Variants in WDR33 observed in about 807,000 individuals in gnomAD.
WDR33 encodes pre-mRNA 3' end processing protein WDR33.
In WDR33, 47 loss-of-function variants were observed where a neutral mutation model predicts 164.9. That is an observed-to-expected ratio of 0.29 (90% confidence interval 0.23 to 0.36). WDR33 has a LOEUF of 0.36. Ranked by LOEUF, WDR33 falls within the 10% of genes least tolerant of loss-of-function variation. WDR33 has a pLI of 1.00. For synonymous variants in WDR33, 505 were observed against 589.0 expected (o/e 0.86, Z 2.06); for missense variants, 1,137 against 1,754.1 (o/e 0.65, Z 6.28).
intron 1 of WDR33, among the ~76,000 whole-genome samples, chr2:127,776,936 C>G (rs984777870): frequency 6.6e-6 from 1 of 152,156 alleles, no homozygotes. Context: ...GATTTGTACT[C>G]ACTGCAGTAT....
At chr2:127,775,653 G>T (rs541089634) in intron 1 of WDR33, among the ~76,000 whole-genome samples, 1 of 152,272 alleles carries the variant, frequency 6.6e-6, no homozygotes, top group Admixed American at 6.5e-5. Context: ...TGCAAAAAAA[G>T]TATTGTTACT....
intron 7 of WDR33, among the ~76,000 whole-genome samples, chr2:127,759,409 G>C (rs1687613473): frequency 6.6e-6 from 1 of 152,120 alleles, no homozygotes; most frequent in Non-Finnish European, 1.5e-5. Flanking sequence ...AGCAACTACA[G>C]GCCAGGCACG....
At chr2:127,750,713 T>C (rs1479270731) in intron 7 of WDR33, among the ~76,000 whole-genome samples, 4 of 51,600 alleles carry the variant, frequency 7.8e-5, no homozygotes, top group African/African-American at 1.2e-4. Context: ...TATATATATA[T>C]GTATGTATGC....
At position 127,709,857 on chromosome 2, in the gene WDR33, CTGTAA is replaced by C; in HGVS notation, c.3309-6_3309-2del. 1 of 1,613,494 alleles carries C rather than the reference CTGTAA, an allele frequency of 6.2e-7. No homozygotes were observed. The highest frequency in any genetic ancestry group is 8.5e-7 in the Non-Finnish European group (1 of 1,179,844). On this transcript the variant is annotated splice_acceptor_variant and splice_polypyrimidine_tract_variant and intron_variant, in intron 18 of 21. Coordinates refer to ENST00000322313, the MANE Select transcript of WDR33 (RefSeq NM_018383.5). LOFTEE classifies it high-confidence loss of function. The surrounding 1 kb of genome is among the most constrained non-coding windows in gnomAD (Gnocchi z 5.0). ...CCTCGGCGGGGCTCCTCTTCTGAAA[CTGTAA>C]AGAGAAAACAGCAGAATGTCCATCT...
chr2:127,730,896 ATTTT>A (rs747523240), intron 7 of WDR33, among the ~76,000 whole-genome samples: 6 of 151,130 alleles, frequency 4.0e-5, no homozygotes, highest in African/African-American at 1.2e-4. Context: ...TGAACTCTCG[ATTTT>A]TTTTGTTTGT....
At chr2:127,742,857 A>G (rs1001637848) in intron 7 of WDR33, among the ~76,000 whole-genome samples, 1 of 142,622 alleles carries the variant, frequency 7.0e-6, no homozygotes, top group Admixed American at 6.9e-5. Flanking sequence ...CTATACTCAC[A>G]GTTAAAAAAA....
At chr2:127,788,156 G>A (rs1318397106) in intron 1 of WDR33, among the ~76,000 whole-genome samples, 54 of 86,178 alleles carry the variant, frequency 6.3e-4, no homozygotes, top group Middle Eastern at 0.026. Flanking sequence ...GGGCAGAGGC[G>A]CCCCTCACCT....
At chr2:127,755,096 C>T (rs1016857343) in intron 7 of WDR33, among the ~76,000 whole-genome samples, 1 of 152,144 alleles carries the variant, frequency 6.6e-6, no homozygotes, top group African/African-American at 2.4e-5. Flanking sequence ...TCTAATTAAC[C>T]AATCTAACAA....
intron 1 of WDR33, among the ~76,000 whole-genome samples, chr2:127,779,909 T>C (rs1362784882): frequency 6.6e-6 from 1 of 152,178 alleles, no homozygotes. Flanking sequence ...CAAAAGCAAA[T>C]TATTGATGCA....
rs961683468 is a variant in WDR33, at chr2:127,714,179, T to C, written c.2870-158A>G. 1.3e-5 allele frequency among the ~76,000 whole-genome samples: 2 copies of C among 152,190 alleles called. No individual in the cohort carries two copies. The highest frequency in any genetic ancestry group is 6.5e-5 in the Admixed American group (1 of 15,284). ...TTAGGAGACAAATGTCCCTGAAGCA[T>C]TGGGTAATAGAACAGGAGCTTTGGG... On this transcript the variant is annotated intron_variant, in intron 17 of 21. Coordinates refer to ENST00000322313, the MANE Select transcript of WDR33 (RefSeq NM_018383.5). The surrounding 1 kb of genome is among the most constrained non-coding windows in gnomAD (Gnocchi z 4.3).
At chr2:127,792,095 C>T (rs1284773549) in intron 1 of WDR33, among the ~76,000 whole-genome samples, 2 of 151,902 alleles carry the variant, frequency 1.3e-5, no homozygotes, top group African/African-American at 2.4e-5. Flanking sequence ...TGCACCACCA[C>T]GCCCGGCTAA....
chr2:127,771,058 T>A, intron 1 of WDR33, 54 bp from the exon 2 acceptor site: 1 of 1,330,604 alleles, frequency 7.5e-7, no homozygotes, highest in Non-Finnish European at 1.0e-6. Context: ...CAACACTGCC[T>A]GAAAACATTT....
intron 1 of WDR33, among the ~76,000 whole-genome samples, chr2:127,789,436 C>T (rs1688762945): frequency 3.1e-5 from 4 of 128,460 alleles, no homozygotes; most frequent in African/African-American, 5.9e-5. Flanking sequence ...AACGAGACTC[C>T]GTCTGCAATC....
At chr2:127,765,537 G>A (rs888225720) in intron 4 of WDR33, among the ~76,000 whole-genome samples, 8 of 152,006 alleles carry the variant, frequency 5.3e-5, no homozygotes, top group African/African-American at 1.4e-4. Flanking sequence ...TTACACACAC[G>A]TATGCATGCT....
At chr2:127,746,725 G>GTT (rs1019116381) in intron 7 of WDR33, among the ~76,000 whole-genome samples, 5 of 152,164 alleles carry the variant, frequency 3.3e-5, no homozygotes, top group Non-Finnish European at 7.3e-5. Flanking sequence ...AACTACCACT[G>GTT]TAACTAGAAT....
In WDR33 at chr2:127,741,219, T is replaced by A. The variant is rs1417397652; in HGVS notation, c.725-14442A>T. ...TCTGGGAAGAAACCCTAGAGCAGGA[T>A]TTGAGGCTGAAGAGTAAAGCAGCAC... On this transcript the variant is annotated intron_variant, in intron 7 of 21. Transcript: ENST00000322313. This position sits in a 1 kb window ranked among gnomAD's most constrained non-coding sequence, Gnocchi z 4.1. Among the ~76,000 whole-genome samples the A allele has an allele frequency of 1.3e-5, 2 of 152,084 alleles. No homozygotes were observed. The highest frequency in any genetic ancestry group is 2.9e-5 in the Non-Finnish European group (2 of 68,028).
chr2:127,736,812 T>A (rs182326551), intron 7 of WDR33: 101 of 985,402 alleles, frequency 1.0e-4, no homozygotes, highest in Non-Finnish European at 1.2e-4. Context: ...TTGCTGAAAC[T>A]TACATATCAG....
intron 1 of WDR33, among the ~76,000 whole-genome samples, chr2:127,805,371 C>T (rs776445758): frequency 7.9e-5 from 12 of 151,962 alleles, no homozygotes; most frequent in Non-Finnish European, 4.4e-5. Context: ...CATGAGCCAG[C>T]GCACCTGGCC....
chr2:127,734,930 A>C (rs114757662), intron 7 of WDR33, among the ~76,000 whole-genome samples: 4,990 of 152,338 alleles, frequency 0.033, 129 homozygotes, highest in South Asian at 0.07. Flanking sequence ...AATTTTCCTA[A>C]TGAAAAAAAT....
Sources: allele counts gnomAD v4.1 joint callset (sites outside exome capture counted in the v4.1 genomes callset), GRCh38; gene constraint gnomAD v4.1.1; non-coding constraint Gnocchi (gnomAD v3.1); transcripts MANE v1.5; gene names NCBI Gene and HGNC (gene_info 2026-07-23, HGNC 2026-07-21).